Variants in LRMDA observed in about 807,000 individuals in gnomAD.
The protein encoded by LRMDA is leucine-rich melanocyte differentiation-associated protein.
A neutral mutation model predicts 29.8 loss-of-function variants in LRMDA; 18 were observed. The ratio of observed to expected loss-of-function variants is 0.60; its 90% CI spans 0.42 to 0.90. The LOEUF is 0.90. LRMDA is among the 40% of genes least tolerant of loss of function. The pLI is 0.00. For missense variants in LRMDA, 273 were observed against 273.9 expected, an observed-to-expected ratio of 1.00 and a Z score of 0.02; for synonymous variants, 125 against 109.4, an observed-to-expected ratio of 1.14 and a Z score of -0.89.
intron 5 of LRMDA, among the ~76,000 whole-genome samples, chr10:76,304,730 TA>T (rs1840529697): frequency 6.6e-6 from 1 of 152,160 alleles, no homozygotes; most frequent in African/African-American, 2.4e-5. Context: ...CCAGGTGGAG[TA>T]GGGCGCTGCC....
At chr10:75,943,572 C>A (rs192725909) in intron 2 of LRMDA, among the ~76,000 whole-genome samples, 1 of 152,184 alleles carries the variant, frequency 6.6e-6, no homozygotes, top group African/African-American at 2.4e-5. Context: ...TGTTATAGAA[C>A]CAAGAATGTG....
intron 2 of LRMDA, among the ~76,000 whole-genome samples, chr10:75,691,821 T>C (rs1386171964): frequency 1.3e-5 from 2 of 152,140 alleles, no homozygotes; most frequent in East Asian, 3.9e-4. Flanking sequence ...CCTCCCTCCA[T>C]TGCTCCTTCT....
intron 6 of LRMDA, among the ~76,000 whole-genome samples, chr10:76,467,796 A>G (rs1424233932): frequency 6.6e-6 from 1 of 152,134 alleles, no homozygotes; most frequent in Non-Finnish European, 1.5e-5. Flanking sequence ...CTCATGACAG[A>G]TATTTGGCAT....
chr10:75,465,703 C>G (rs1416114289), intron 2 of LRMDA, among the ~76,000 whole-genome samples: 3 of 152,184 alleles, frequency 2.0e-5, no homozygotes, highest in African/African-American at 7.2e-5. Context: ...AAAAACATTT[C>G]ATGCTGACCA....
chr10:75,533,430 G>T (rs1291335134), intron 2 of LRMDA, among the ~76,000 whole-genome samples: 3 of 152,180 alleles, frequency 2.0e-5, no homozygotes, highest in African/African-American at 7.2e-5. Context: ...GGAGAGTTTC[G>T]TGCAGCAGAG....
intron 6 of LRMDA, among the ~76,000 whole-genome samples, chr10:76,442,078 G>A (rs1053616741): frequency 1.3e-5 from 2 of 152,168 alleles, no homozygotes; most frequent in African/African-American, 4.8e-5. Flanking sequence ...TTGCTCTGAT[G>A]AAAACCCTCA....
intron 6 of LRMDA, among the ~76,000 whole-genome samples, chr10:76,491,998 T>C (rs999325973): frequency 1.3e-5 from 2 of 152,118 alleles, no homozygotes; most frequent in African/African-American, 2.4e-5. Flanking sequence ...TTCTTCCTTA[T>C]GTCAATTGCA....
chr10:75,870,398 A>T (rs1845090339), intron 2 of LRMDA, among the ~76,000 whole-genome samples: 1 of 152,236 alleles, frequency 6.6e-6, no homozygotes, highest in Non-Finnish European at 1.5e-5. Flanking sequence ...TATGTACGAC[A>T]TTTGGGAGAA....
At chr10:75,682,402 G>C (rs144098323) in intron 2 of LRMDA, among the ~76,000 whole-genome samples, 1 of 151,918 alleles carries the variant, frequency 6.6e-6, no homozygotes, top group African/African-American at 2.4e-5. Flanking sequence ...CTCTTAAGGA[G>C]TTAAAGCAAC....
chr10:75,717,723 A>T (rs1842518562), intron 2 of LRMDA, among the ~76,000 whole-genome samples: 1 of 152,132 alleles, frequency 6.6e-6, no homozygotes, highest in East Asian at 1.9e-4. Context: ...AACAGAGCAC[A>T]TGTGTTCATC....
At chr10:76,451,154 G>A (rs115908931) in intron 6 of LRMDA, among the ~76,000 whole-genome samples, 2,324 of 151,686 alleles carry the variant, frequency 0.015, 52 homozygotes, top group African/African-American at 0.054. Context: ...TTGAAGTGAT[G>A]TACTTAATTT....
rs1413360376 is a variant in LRMDA, at chr10:76,448,485, A to G, written c.602-108724A>G. Among the ~76,000 whole-genome samples the G allele has an allele frequency of 2.7e-4, 41 of 152,114 alleles. 2 individuals are homozygous for G. The highest frequency in any genetic ancestry group is 1.5e-5 in the Non-Finnish European group (1 of 67,974). ...TACGCTATTTCCAATTTACATTCCAATGGTAGCGTAATCATTCTCTAGCCA... is the reference window on the plus strand; with the variant it reads ...TACGCTATTTCCAATTTACATTCCAGTGGTAGCGTAATCATTCTCTAGCCA... On this transcript the variant is annotated intron_variant, in intron 6 of 6. Transcript: ENST00000611255.
intron 2 of LRMDA, among the ~76,000 whole-genome samples, chr10:75,839,700 C>CTTTTTTTTTTTTTT (rs1160178913): frequency 1.2e-5 from 1 of 82,782 alleles, no homozygotes; most frequent in Non-Finnish European, 2.2e-5. Context: ...ATCCGACTTT[C>CTTTTTTTTTTTTTT]TTTTTTTTTT....
intron 2 of LRMDA, among the ~76,000 whole-genome samples, chr10:75,846,922 T>G (rs1175886918): frequency 6.6e-6 from 1 of 152,110 alleles, no homozygotes; most frequent in Admixed American, 6.5e-5. Flanking sequence ...TGTTAAAATG[T>G]CAATACTACC....
intron 2 of LRMDA, among the ~76,000 whole-genome samples, chr10:75,580,942 A>T (rs56024449): frequency 6.6e-6 from 1 of 152,156 alleles, no homozygotes; most frequent in Non-Finnish European, 1.5e-5. Context: ...AGACTTAAAC[A>T]TAAGACCTAA....
chr10:76,430,196 A>C (rs1194267668), intron 6 of LRMDA, among the ~76,000 whole-genome samples: 1 of 151,984 alleles, frequency 6.6e-6, no homozygotes, highest in African/African-American at 2.4e-5. Flanking sequence ...CTACCTTAGG[A>C]GTGTCGGCAG....
At chr10:75,459,204 G>T (rs1309045143) in intron 2 of LRMDA, among the ~76,000 whole-genome samples, 1 of 152,124 alleles carries the variant, frequency 6.6e-6, no homozygotes, top group Non-Finnish European at 1.5e-5. Flanking sequence ...ACTTTGAGAG[G>T]CTGAGGCTCA....
rs921639476 is a variant in LRMDA at position 76,427,598 on chromosome 10, C to T, written c.601+103113C>T. Among the ~76,000 whole-genome samples the T allele has an allele frequency of 2.8e-4, 43 of 152,222 alleles. No individual in the cohort carries two copies. In the East Asian group the frequency reaches 7.3e-3, roughly 26 times the overall value. On this transcript the variant is annotated intron_variant, in intron 6 of 6. Transcript: ENST00000611255. The stretch of plus-strand genomic sequence containing the variant: ...TTCCTAATTGAATGCCCTTTATTTC[C>T]TTCTCCTGCCTGATTGCCCTGGCCA...
At chr10:76,327,460 G>T (rs1282304419) in intron 6 of LRMDA, among the ~76,000 whole-genome samples, 2 of 152,134 alleles carry the variant, frequency 1.3e-5, no homozygotes, top group African/African-American at 2.4e-5. Flanking sequence ...CAGCTCCAAA[G>T]GAAACTTGCC....
Sources: gnomAD v4.1 joint callset for allele counts (sites outside exome capture counted in the v4.1 genomes callset) on GRCh38, gnomAD v4.1.1 for gene constraint, MANE v1.5 for transcripts, NCBI Gene and HGNC (gene_info 2026-07-23, HGNC 2026-07-21) for gene names.